The following LDB2 variants were observed in gnomAD, a reference collection of about 807,000 sequenced individuals.
The protein encoded by LDB2 is LIM domain binding 2, also known as LIM domain-binding protein 2.
A neutral mutation model predicts 44.3 loss-of-function variants in LDB2; 12 were observed. That is an observed-to-expected ratio of 0.27 (90% CI 0.17 to 0.44). The LOEUF is 0.44. Ranked by LOEUF, LDB2 falls within the 20% of genes least tolerant of loss-of-function variation. The probability of loss-of-function intolerance (pLI) is 1.00; values close to 1 mark genes in which losing one functional copy is unlikely to be tolerated. For synonymous variants in LDB2, 164 were observed against 174.8 expected, an observed-to-expected ratio of 0.94 and a Z score of 0.49; for missense variants, 344 against 473.5, an observed-to-expected ratio of 0.73 and a Z score of 2.54.
chr4:16,680,803 A>G (rs948736922), intron 2 of LDB2, among the ~76,000 whole-genome samples: 7 of 152,250 alleles, frequency 4.6e-5, no homozygotes, highest in African/African-American at 7.2e-5. Context: ...ACAACAAACA[A>G]GAACCCTCCT....
chr4:16,617,798 G>A (rs10026224), intron 2 of LDB2, among the ~76,000 whole-genome samples: 55,271 of 152,002 alleles, frequency 0.36, 10,157 homozygotes, highest in East Asian at 0.55. Flanking sequence ...ATGCCAAGAC[G>A]CATAGGAAGA....
At chr4:16,508,714 C>A (rs1031429229) in intron 6 of LDB2, 28 bp from the exon 7 acceptor site, 1 of 1,609,874 alleles carries the variant, frequency 6.2e-7, no homozygotes, top group Middle Eastern at 1.7e-4. Flanking sequence ...GAAGAGGGAT[C>A]AGTTCTAGGG....
chr4:16,656,820 TA>T (rs1740000701), intron 2 of LDB2, among the ~76,000 whole-genome samples: 1 of 152,234 alleles, frequency 6.6e-6, no homozygotes, highest in African/African-American at 2.4e-5. Context: ...GGAAACAGCA[TA>T]ATTTATGAGG....
chr4:16,793,578 A>G (rs748389841), intron 1 of LDB2, among the ~76,000 whole-genome samples: 1 of 152,234 alleles, frequency 6.6e-6, no homozygotes, highest in Non-Finnish European at 1.5e-5. Context: ...GCAGCCATTT[A>G]TACATACAAA....
chr4:16,528,394 T>C (rs934856023), intron 5 of LDB2, among the ~76,000 whole-genome samples: 3 of 152,264 alleles, frequency 2.0e-5, no homozygotes, highest in Admixed American at 2.0e-4. Context: ...TTGAGGTTTT[T>C]GTCATTAAAG....
At chr4:16,643,420 AAGACAATGCAAGTAACACATTT>A (rs1735764948) in intron 2 of LDB2, among the ~76,000 whole-genome samples, 1 of 152,258 alleles carries the variant, frequency 6.6e-6, no homozygotes, top group Non-Finnish European at 1.5e-5. Context: ...AGAAGTCATT[AAGACAATGCAAGTAACACATTT>A]AGCATGGCTA....
At chr4:16,853,646 A>G (rs1788733272) in intron 1 of LDB2, among the ~76,000 whole-genome samples, 1 of 152,212 alleles carries the variant, frequency 6.6e-6, no homozygotes, top group South Asian at 2.1e-4. Flanking sequence ...AAAGGAAATA[A>G]AATCACTACC....
chr4:16,565,424 A>G (rs1046920385), intron 5 of LDB2, among the ~76,000 whole-genome samples: 5 of 151,986 alleles, frequency 3.3e-5, no homozygotes, highest in Admixed American at 2.6e-4. Flanking sequence ...TACATTTGAT[A>G]AAATTCGACA....
chr4:16,684,241 G>A (rs1748665953), intron 2 of LDB2, among the ~76,000 whole-genome samples: 2 of 152,166 alleles, frequency 1.3e-5, no homozygotes, highest in East Asian at 1.9e-4. Context: ...CGTGATAAAA[G>A]TCTGCTAAAT....
At chr4:16,572,525 C>T (rs1746932510) in intron 5 of LDB2, among the ~76,000 whole-genome samples, 1 of 151,664 alleles carries the variant, frequency 6.6e-6, no homozygotes, top group South Asian at 2.1e-4. Context: ...GTTAGAATTG[C>T]TCTGCTGAAA....
chr4:16,620,315 T>C (rs1432381118), intron 2 of LDB2, among the ~76,000 whole-genome samples: 2 of 152,170 alleles, frequency 1.3e-5, no homozygotes, highest in African/African-American at 2.4e-5. Context: ...TGATCCTAAA[T>C]GTAAGGTGCA....
At chr4:16,708,090 G>C (rs1442075369) in intron 2 of LDB2, among the ~76,000 whole-genome samples, 1 of 152,046 alleles carries the variant, frequency 6.6e-6, no homozygotes, top group East Asian at 1.9e-4. Flanking sequence ...TTTTAACAGT[G>C]GCTCACTGGT....
At chr4:16,803,123 T>C (rs1778166552) in intron 1 of LDB2, among the ~76,000 whole-genome samples, 1 of 152,246 alleles carries the variant, frequency 6.6e-6, no homozygotes, top group South Asian at 2.1e-4. Flanking sequence ...ACATTAAGGA[T>C]GGCATAGCTT....
intron 2 of LDB2, among the ~76,000 whole-genome samples, chr4:16,649,890 GT>G (rs1326999076): frequency 6.6e-6 from 1 of 152,170 alleles, no homozygotes; most frequent in Non-Finnish European, 1.5e-5. Flanking sequence ...GATAGAGCTG[GT>G]GGCTGAAACT....
At chr4:16,835,627 G>C (rs528773986) in intron 1 of LDB2, among the ~76,000 whole-genome samples, 1 of 152,214 alleles carries the variant, frequency 6.6e-6, no homozygotes, top group East Asian at 1.9e-4. Context: ...AATTCGAATT[G>C]CTAGGTCATT....
chr4:16,632,319 C>T (rs976198948), intron 2 of LDB2, among the ~76,000 whole-genome samples: 2 of 152,124 alleles, frequency 1.3e-5, no homozygotes, highest in African/African-American at 4.8e-5. Flanking sequence ...ATAAACAGAA[C>T]CAATGACAAA....
intron 1 of LDB2, among the ~76,000 whole-genome samples, chr4:16,845,058 G>T (rs927186793): frequency 6.6e-5 from 10 of 152,196 alleles, no homozygotes; most frequent in Admixed American, 1.3e-4. Context: ...TTAGACTCAT[G>T]CAGTGCATGT....
At chr4:16,835,194 G>A (rs1784702953) in intron 1 of LDB2, among the ~76,000 whole-genome samples, 1 of 152,184 alleles carries the variant, frequency 6.6e-6, no homozygotes, top group Admixed American at 6.5e-5. Context: ...TACAATTTGA[G>A]TTTTGAAGTA....
At chr4:16,617,717 T>G (rs577881253) in intron 2 of LDB2, among the ~76,000 whole-genome samples, 2 of 152,280 alleles carry the variant, frequency 1.3e-5, no homozygotes, top group East Asian at 3.9e-4. Flanking sequence ...CAGGTTTCTA[T>G]GGTATTGTCA....
Sources: allele counts gnomAD v4.1 joint callset (sites outside exome capture counted in the v4.1 genomes callset), GRCh38; gene constraint gnomAD v4.1.1; transcripts MANE v1.5; gene names NCBI Gene and HGNC (gene_info 2026-07-23, HGNC 2026-07-21).